IGSF22: variants seen among roughly 807,000 people sequenced by gnomAD.
The protein encoded by IGSF22 is immunoglobulin superfamily member 22.
IGSF22 carries 119 observed loss-of-function variants against 127.0 expected under a neutral mutation model. That is an observed-to-expected ratio of 0.94 (90% CI 0.81 to 1.09). The LOEUF (loss-of-function observed/expected upper bound fraction) is 1.09, where lower values mean the gene tolerates loss of function less well. IGSF22 is among the 50% of genes least tolerant of loss of function. IGSF22 has a pLI of 0.00. For missense variants in IGSF22, 1,518 were observed against 1,716.6 expected (o/e 0.88, Z 2.04); for synonymous variants, 568 against 664.7 (o/e 0.85, Z 2.24).
chr11:18,724,774 T>C (rs1848626063), intron 1 of IGSF22, among the ~76,000 whole-genome samples: 1 of 152,204 alleles, frequency 6.6e-6, no homozygotes, highest in Non-Finnish European at 1.5e-5. Flanking sequence ...CTGCTTGTGT[T>C]TGCGACATGG....
At chr11:18,720,385 T>G in intron 4 of IGSF22, 100 bp from the exon 5 acceptor site, 3 of 775,060 alleles carry the variant, frequency 3.9e-6, no homozygotes, top group Non-Finnish European at 6.4e-6. Flanking sequence ...TAGGGGACAA[T>G]AGGAACTGAC....
At chr11:18,706,213 C>G (rs1340910536) in intron 21 of IGSF22, 67 bp from the exon 22 acceptor site, 4 of 1,416,544 alleles carry the variant, frequency 2.8e-6, no homozygotes, top group Admixed American at 4.5e-5. Flanking sequence ...CCACGTCTTA[C>G]AGTTCAGCTT....
rs977269627 is a variant in IGSF22 at position 18,707,023 on chromosome 11, C to G, written c.3471G>C (p.Thr1157=). ...ERVFSNKYTV[T]GLLPGRKYYF... is the part of the protein sequence containing the mutation. ...AGTACTTCCTGCCTGGGAGCAGCCC[C>G]GTCACTGTGTACTTGTTGCTGAAGA... Residue 1157 remains threonine (T), a synonymous_variant, in exon 21 of 23, where the codon ACG becomes ACC. Coordinates refer to ENST00000513874, the MANE Select transcript of IGSF22 (RefSeq NM_173588.4). The G allele has an allele frequency of 3.9e-6, 6 of 1,551,596 alleles. No individual in the cohort carries two copies. The highest frequency in any genetic ancestry group is 4.4e-6 in the Non-Finnish European group (5 of 1,146,944).
At position 18,716,845 on chromosome 11, in the gene IGSF22, C is replaced by T; in HGVS notation, c.1129G>A (p.Val377Met). The T allele has an allele frequency of 1.9e-6, 3 of 1,614,238 alleles. No individual in the cohort carries two copies. The highest frequency in any genetic ancestry group is 1.1e-5 in the South Asian group (1 of 91,086). The change falls in exon 10 of 23, where the codon GTG (valine) becomes ATG (methionine). Residue 377 changes from valine (V) to methionine (M), a missense_variant. Around this residue, in one of 3 missense-constraint regions of IGSF22, gnomAD observed 1,456 missense variants for 1,644.9 expected, o/e 0.89. Coordinates refer to ENST00000513874, the MANE Select transcript of IGSF22 (RefSeq NM_173588.4). The surrounding 1 kb of genome is among the most constrained non-coding windows in gnomAD (Gnocchi z 4.5). Reference protein sequence around the residue: ...LKRDDKYEITVSEDGLTHTLK... With the variant: ...LKRDDKYEITMSEDGLTHTLK... ...GTGTGCGTCAGACCATCTTCGGACA[C>T]CGTGATTTCATACTTGTCATCCCTC... is the stretch of plus-strand genomic sequence containing the variant.
intron 21 of IGSF22, chr11:18,706,635 C>T (rs1848240575): frequency 1.2e-5 from 5 of 409,926 alleles, no homozygotes; most frequent in African/African-American, 8.0e-5. Flanking sequence ...TTAGACCCTC[C>T]CCTCAGAGCA....
chr11:18,719,588 G>T, intron 7 of IGSF22, 128 bp downstream of exon 7: 1 of 859,140 alleles, frequency 1.2e-6, no homozygotes, highest in Non-Finnish European at 1.8e-6. Flanking sequence ...TCACAGTGGA[G>T]AGTACGCCTC....
Position 18,715,351 on chromosome 11 carries a change from A to AG in IGSF22, c.1531+80dup. On this transcript the variant is annotated intron_variant, in intron 11 of 22. Transcript: ENST00000513874. ...CTACAGGAGGGTTGGAGTTAGTGGG[A>AG]GGGGGGCAATTGATGTCCACTGTAA... 3 of 1,424,872 alleles carry AG rather than the reference A, an allele frequency of 2.1e-6. No individual in the cohort carries two copies. The South Asian group carries it at 3.8e-5, about 18-fold the overall frequency. 88.3% of individuals were successfully genotyped at this position (1,424,872 alleles called of 1,614,324 possible).
intron 2 of IGSF22, among the ~76,000 whole-genome samples, chr11:18,723,517 G>T (rs975074534): frequency 2.0e-4 from 31 of 152,230 alleles, no homozygotes; most frequent in Non-Finnish European, 4.0e-4. Context: ...GTGAGAAGGG[G>T]TATCCAATGT....
chr11:18,714,306 G>A lies in IGSF22; in HGVS notation c.1769C>T (p.Thr590Met), dbSNP rs757327949. 31 of 1,614,030 alleles carry A rather than the reference G, an allele frequency of 1.9e-5. No homozygotes were observed. The highest frequency in any genetic ancestry group is 2.5e-5 in the Non-Finnish European group (30 of 1,180,012). ...GATGAATACAGAGGCTTCACTTTCC[G>A]TGCCCTTGGCCCGGAATGTGTACTT... The part of the protein sequence containing the change: ...EGKYTFRAKG[T>M]ESEASVFIAD... Residue 590 changes from threonine (T) to methionine (M), a missense_variant, in exon 13 of 23, where the codon ACG becomes ATG. This residue lies in a region of IGSF22 where 1,456 missense variants were observed against 1,644.9 expected (regional missense o/e 0.89). Coordinates refer to ENST00000513874, the MANE Select transcript of IGSF22 (RefSeq NM_173588.4).
Position 18,708,272 on chromosome 11 carries a change from C to T in IGSF22, c.3022G>A (p.Ala1008Thr), listed in dbSNP as rs78892734. ...PPAAPKFDLS[A>T]RLKSHMVVRA... ...ACCACCATGTGACTCTTCAGCCGGG[C>T]ACTGAGGTCAAACTTGGGTGCAGCT... The change falls in exon 19 of 23, where the codon GCC becomes ACC. Residue 1008 changes from alanine to threonine, a missense_variant. Ala to Thr is a moderately conservative substitution (Grantham distance 58, BLOSUM62 0). This residue lies in a region of IGSF22 where 1,456 missense variants were observed against 1,644.9 expected (regional missense o/e 0.89). Coordinates refer to ENST00000513874, the MANE Select transcript of IGSF22 (RefSeq NM_173588.4). 76,832 of 1,547,808 alleles carry T rather than the reference C, an allele frequency of 0.05. 2,135 individuals are homozygous for T. Among genetic ancestry groups the T allele is most frequent in the Non-Finnish European group, 0.058 (66,369 of 1,145,160 alleles).
intron 14 of IGSF22, among the ~76,000 whole-genome samples, 163 bp downstream of exon 14, chr11:18,713,689 G>A (rs1201001252): frequency 6.6e-6 from 1 of 152,260 alleles, no homozygotes; most frequent in Admixed American, 6.5e-5. Context: ...AACTGGCTGG[G>A]AAGTTAGGAA....
At chr11:18,710,960 G>A in intron 15 of IGSF22, 132 bp from the exon 16 acceptor site, 1 of 783,152 alleles carries the variant, frequency 1.3e-6, no homozygotes, top group Non-Finnish European at 2.0e-6. Flanking sequence ...TCCTTTTTTA[G>A]AGACAAGGTC....
Position 18,720,188 on chromosome 11 carries a change from T to G in IGSF22, c.476A>C (p.Glu159Ala). The G allele has an allele frequency of 6.2e-7, 1 of 1,614,066 alleles. No individual in the cohort carries two copies. Among genetic ancestry groups the G allele is most frequent in the Non-Finnish European group, 8.5e-7 (1 of 1,179,934 alleles). ...AIYTVSLLVTEGQEKMDFKKM... is the reference protein window; with the variant it reads ...AIYTVSLLVTAGQEKMDFKKM... The stretch of plus-strand genomic sequence containing the variant: ...CCAAGAGGAAGGGGCCAACTCACCT[T>G]CTGTTACCAGCAGAGATACGGTATA... The change falls in exon 5 of 23, where the codon GAA (glutamate) becomes GCA (alanine). Residue 159 changes from glutamate (E) to alanine (A), a missense_variant and splice_region_variant. Transcript: ENST00000513874.
At chr11:18,724,568 T>C (rs1005721395) in intron 1 of IGSF22, among the ~76,000 whole-genome samples, 4 of 152,142 alleles carry the variant, frequency 2.6e-5, no homozygotes, top group Admixed American at 6.5e-5. Flanking sequence ...AGGATACCTA[T>C]TGATAGCTAC....
Position 18,717,017 on chromosome 11 carries a change from G to A in IGSF22, c.974-17C>T, listed in dbSNP as rs1848475934. The A allele has an allele frequency of 2.5e-6, 4 of 1,613,102 alleles. No homozygotes were observed. Among genetic ancestry groups the A allele is most frequent in the South Asian group, 1.1e-5 (1 of 91,024 alleles). On this transcript the variant is annotated splice_polypyrimidine_tract_variant and intron_variant, in intron 9 of 22. Transcript: ENST00000513874. ...GTGGCTCATCTGCAGCAAACAGTAG[G>A]AGTGGTAGTCATTGGGCTGGTCCCT...
chr11:18,724,310 T>C, intron 1 of IGSF22, 41 bp from the exon 2 acceptor site: 2 of 1,021,358 alleles, frequency 2.0e-6, no homozygotes, highest in Non-Finnish European at 3.1e-6. Flanking sequence ...AGACAGGGAG[T>C]AGGAGGGAGA....
At position 18,721,907 on chromosome 11, in the gene IGSF22, C is replaced by CA; in HGVS notation, c.241+2dup. On this transcript the variant is annotated splice_region_variant and intron_variant, in intron 3 of 22. Coordinates refer to ENST00000513874, the MANE Select transcript of IGSF22 (RefSeq NM_173588.4). ...GCCCGGTGAGCCACAGGCAGCAACA[C>CA]ACCCTCGGGCGCGGTGACCGGTTGA... 6.2e-7 allele frequency: 1 copy of CA among 1,612,644 alleles called. No individual in the cohort carries two copies. Among genetic ancestry groups the CA allele is most frequent in the Non-Finnish European group, 8.5e-7 (1 of 1,180,038 alleles).
intron 22 of IGSF22, 66 bp downstream of exon 22, chr11:18,705,746 ACCAAT>A: frequency 7.4e-7 from 1 of 1,354,474 alleles, no homozygotes; most frequent in Non-Finnish European, 9.9e-7. Flanking sequence ...CAAATAGTTG[ACCAAT>A]GGCCCACAAG....
At position 18,716,588 on chromosome 11, in the gene IGSF22, T is replaced by G; in HGVS notation, c.1246+140A>C. The G allele has an allele frequency of 5.1e-6, 4 of 787,366 alleles. No homozygotes were observed. The South Asian group carries it at 7.0e-5, about 14-fold the overall frequency. The allele number at this position is 787,366 out of a possible 1,614,324, so 48.8% of individuals were successfully genotyped here. Reference sequence around the variant, plus strand: ...AGACTAGGGGTTAACAGAGAGGAGATCCCCCTGTCTTTCCAGTACCTACCA... The same window carrying G: ...AGACTAGGGGTTAACAGAGAGGAGAGCCCCCTGTCTTTCCAGTACCTACCA... On this transcript the variant is annotated intron_variant, in intron 10 of 22. Transcript: ENST00000513874. This position sits in a 1 kb window ranked among gnomAD's most constrained non-coding sequence, Gnocchi z 4.5.
Sources: gnomAD v4.1 joint callset for allele counts (sites outside exome capture counted in the v4.1 genomes callset) on GRCh38, gnomAD v4.1.1 for gene constraint, gnomAD v4.1.1 regional missense constraint, Gnocchi (gnomAD v3.1) non-coding constraint, MANE v1.5 for transcripts, NCBI Gene and HGNC (gene_info 2026-07-23, HGNC 2026-07-21) for gene names.